The following ASH1L variants were observed in gnomAD, a reference collection of about 807,000 sequenced individuals.
ASH1L encodes ASH1 like histone lysine methyltransferase.
Under a neutral mutation model 269.0 loss-of-function variants are expected in ASH1L, and 23 were observed. The observed-to-expected ratio is 0.09, with a 90% confidence interval of 0.06 to 0.12. The LOEUF (loss-of-function observed/expected upper bound fraction) is 0.12. ASH1L is among the 10% of genes least tolerant of loss of function. ASH1L has a pLI of 1.00. For synonymous variants in ASH1L, 1,187 were observed against 1,253.5 expected (o/e 0.95, Z 1.12); for missense variants, 2,912 against 3,567.8 (o/e 0.82, Z 4.68).
chr1:155,488,669 A>G (rs946788595), intron 2 of ASH1L, among the ~76,000 whole-genome samples: 2 of 62,472 alleles, frequency 3.2e-5, no homozygotes, highest in East Asian at 1.3e-3. Context: ...ACTCTGTCAC[A>G]AAAAAAAAAA....
At chr1:155,417,669 C>T (rs1022974249) in intron 5 of ASH1L, among the ~76,000 whole-genome samples, 1 of 152,126 alleles carries the variant, frequency 6.6e-6, no homozygotes, top group Admixed American at 6.5e-5. Context: ...GGAAGACTAG[C>T]CTTCACTGGT....
chr1:155,343,162 A>T lies in ASH1L; in HGVS notation c.8293+152T>A. The T allele has an allele frequency of 1.4e-6, 1 of 728,992 alleles. No homozygotes were observed. Among genetic ancestry groups the T allele is most frequent in the Non-Finnish European group, 2.2e-6 (1 of 452,258 alleles). 45.2% of individuals were successfully genotyped at this position (728,992 alleles called of 1,614,324 possible). On this transcript the variant is annotated intron_variant, in intron 24 of 27. Coordinates refer to ENST00000392403, the MANE Select transcript of ASH1L (RefSeq NM_018489.3). The surrounding 1 kb of genome is among the most constrained non-coding windows in gnomAD (Gnocchi z 6.1). ...CAGGCCTACACTGCCATGCCCAGCT[A>T]CAGAGGCAGAGTTTTGCCACGTTGG... is the stretch of plus-strand genomic sequence containing the variant.
intron 3 of ASH1L, among the ~76,000 whole-genome samples, chr1:155,475,374 G>C (rs1665461123): frequency 6.6e-6 from 1 of 152,102 alleles, no homozygotes; most frequent in South Asian, 2.1e-4. Context: ...GACCTCAAGT[G>C]ATCTGGCCAC....
At chr1:155,370,300 C>T (rs1415293922) in intron 12 of ASH1L, 3 of 608,114 alleles carry the variant, frequency 4.9e-6, no homozygotes, top group Admixed American at 3.1e-5. Flanking sequence ...AAAAACAGAA[C>T]ACAAATAAAA....
In ASH1L at chr1:155,436,248, G is replaced by A. The variant is rs151248504; in HGVS notation, c.5828+2079C>T. 7.4e-4 allele frequency among the ~76,000 whole-genome samples: 112 copies of A among 152,072 alleles called. 3 individuals are homozygous for A. In the East Asian group the frequency reaches 0.022, roughly 29 times the overall value. Reference sequence around the variant, plus strand: ...CTTGTTGCCCAGGCTGGAGTGTGATGGTGCAATCTCGGCTCACTGCAACCT... The same window carrying A: ...CTTGTTGCCCAGGCTGGAGTGTGATAGTGCAATCTCGGCTCACTGCAACCT... On this transcript the variant is annotated intron_variant, in intron 5 of 27. Transcript: ENST00000392403.
intron 12 of ASH1L, among the ~76,000 whole-genome samples, chr1:155,360,901 C>A (rs114240367): frequency 1.9e-3 from 282 of 151,814 alleles, no homozygotes; most frequent in African/African-American, 6.6e-3. Context: ...TGCCTGTATT[C>A]CCCGCACTTT....
intron 4 of ASH1L, among the ~76,000 whole-genome samples, chr1:155,442,742 C>T (rs1662702908): frequency 6.6e-6 from 1 of 152,140 alleles, no homozygotes; most frequent in East Asian, 1.9e-4. Flanking sequence ...ATCTTAGACC[C>T]TAATTCTAGT....
At chr1:155,519,598 T>C (rs992782142) in intron 2 of ASH1L, among the ~76,000 whole-genome samples, 9 of 152,220 alleles carry the variant, frequency 5.9e-5, no homozygotes, top group African/African-American at 2.2e-4. Flanking sequence ...ACAAATATTG[T>C]ATGATTACAC....
chr1:155,481,076 A>G lies in ASH1L; in HGVS notation c.1794T>C (p.Ser598=), dbSNP rs1015976591. 5 of 1,613,982 alleles carry G rather than the reference A, an allele frequency of 3.1e-6. No homozygotes were observed. Among genetic ancestry groups the G allele is most frequent in the Non-Finnish European group, 4.2e-6 (5 of 1,179,982 alleles). The change falls in exon 3 of 28, where the codon TCT becomes TCC. Residue 598 remains serine (S), a synonymous_variant. Coordinates refer to ENST00000392403, the MANE Select transcript of ASH1L (RefSeq NM_018489.3). ...TTELIEEISE[S]VGKNQFTSES... Reference sequence around the variant, plus strand: ...CAGAAGTAAACTGGTTCTTTCCAACAGATTCAGAAATTTCTTCGATTAGTT... The same window carrying G: ...CAGAAGTAAACTGGTTCTTTCCAACGGATTCAGAAATTTCTTCGATTAGTT...
chr1:155,381,125 GCT>G (rs1286434350), intron 7 of ASH1L, among the ~76,000 whole-genome samples: 6 of 152,054 alleles, frequency 3.9e-5, no homozygotes, highest in Non-Finnish European at 8.8e-5. Flanking sequence ...AACCTATAGC[GCT>G]ACCAGTTGAA....
At chr1:155,439,155 A>G in intron 4 of ASH1L, 87 bp from the exon 5 acceptor site, 1 of 1,340,776 alleles carries the variant, frequency 7.5e-7, no homozygotes, top group Non-Finnish European at 1.0e-6. Flanking sequence ...AGGGAGTACT[A>G]CTCTATTTTC....
At chr1:155,379,617 T>C (rs1037500032) in intron 8 of ASH1L, among the ~76,000 whole-genome samples, 6 of 152,224 alleles carry the variant, frequency 3.9e-5, no homozygotes, top group Admixed American at 3.9e-4. Flanking sequence ...ATTTCCCTGC[T>C]TCCTTTGATA....
At position 155,438,999 on chromosome 1, in the gene ASH1L, T is replaced by C. The variant is rs1400423200; in HGVS notation, c.5156A>G (p.Gln1719Arg). Residue 1719 changes from glutamine (Q) to arginine (R), a missense_variant, in exon 5 of 28, where the codon CAG (glutamine) becomes CGG (arginine). Coordinates refer to ENST00000392403, the MANE Select transcript of ASH1L (RefSeq NM_018489.3). Reference protein sequence around the residue: ...SGDDSVDSLLQRMVQNEDQEP... With the variant: ...SGDDSVDSLLRRMVQNEDQEP... ...TTGGTCCTCATTTTGTACCATCCGC[T>C]GCAGCAGACTATCCACAGAGTCATC... is the stretch of plus-strand genomic sequence containing the variant. 6.2e-7 allele frequency: 1 copy of C among 1,614,210 alleles called. No homozygotes were observed. Among genetic ancestry groups the C allele is most frequent in the South Asian group, 1.1e-5 (1 of 91,080 alleles).
intron 1 of ASH1L, among the ~76,000 whole-genome samples, chr1:155,558,425 C>T (rs940246451): frequency 1.3e-5 from 2 of 151,970 alleles, no homozygotes; most frequent in Non-Finnish European, 2.9e-5. Context: ...GAGCTGAGAT[C>T]GCGCTGTTGC....
At chr1:155,463,964 A>C (rs1411624186) in intron 3 of ASH1L, among the ~76,000 whole-genome samples, 3 of 152,150 alleles carry the variant, frequency 2.0e-5, no homozygotes, top group Non-Finnish European at 1.5e-5. Flanking sequence ...GGGTAGGAAA[A>C]AGTTACTCTG....
chr1:155,451,626 G>A (rs1426504457), intron 4 of ASH1L, among the ~76,000 whole-genome samples: 1 of 152,124 alleles, frequency 6.6e-6, no homozygotes, highest in South Asian at 2.1e-4. Flanking sequence ...TGGCGTGGTG[G>A]TGGACACCTG....
At chr1:155,380,205 T>C in intron 7 of ASH1L, 89 bp from the exon 8 acceptor site, 1 of 886,598 alleles carries the variant, frequency 1.1e-6, no homozygotes, top group Non-Finnish European at 1.8e-6. Flanking sequence ...TAACATGTAC[T>C]GACTAAAAAA....
At chr1:155,495,259 TTCTAAGAAATGTC>T (rs1457393188) in intron 2 of ASH1L, among the ~76,000 whole-genome samples, 1 of 152,200 alleles carries the variant, frequency 6.6e-6, no homozygotes, top group Non-Finnish European at 1.5e-5. Context: ...TGGGGATAAA[TTCTAAGAAATGTC>T]TCTAAGAAAT....
chr1:155,526,681 A>C (rs948193094), intron 1 of ASH1L, among the ~76,000 whole-genome samples: 26 of 152,262 alleles, frequency 1.7e-4, no homozygotes, highest in Admixed American at 7.2e-4. Flanking sequence ...AAGCAGTAAC[A>C]AACAGAAAAG....
Sources: gnomAD v4.1 joint callset for allele counts (sites outside exome capture counted in the v4.1 genomes callset) on GRCh38, gnomAD v4.1.1 for gene constraint, Gnocchi (gnomAD v3.1) non-coding constraint, MANE v1.5 for transcripts, NCBI Gene and HGNC (gene_info 2026-07-23, HGNC 2026-07-21) for gene names.